HPGDS: variants seen among roughly 807,000 people sequenced by gnomAD.
The protein encoded by HPGDS is GST class-sigma.
A neutral mutation model predicts 23.1 loss-of-function variants in HPGDS; 26 were observed. The ratio of observed to expected loss-of-function variants is 1.13; its 90% CI spans 0.83 to 1.56. HPGDS has a LOEUF of 1.56. Among genes scored for constraint, HPGDS ranks in the 40% most tolerant of loss-of-function variants. HPGDS has a pLI of 0.00. For synonymous variants in HPGDS, 95 were observed against 77.9 expected, an observed-to-expected ratio of 1.22 and a Z score of -1.16; for missense variants, 268 against 236.4, an observed-to-expected ratio of 1.13 and a Z score of -0.88.
intron 3 of HPGDS, 107 bp from the exon 4 acceptor site, chr4:94,308,850 C>A (rs1307207671): frequency 1.8e-6 from 1 of 561,094 alleles, no homozygotes; most frequent in Non-Finnish European, 3.2e-6. Flanking sequence ...GAGTGTAAAA[C>A]AATATCCAGT....
At chr4:94,315,566 C>G (rs1004538287) in intron 3 of HPGDS, among the ~76,000 whole-genome samples, 32 of 151,732 alleles carry the variant, frequency 2.1e-4, no homozygotes, top group African/African-American at 7.5e-4. Flanking sequence ...CTCAATGGTG[C>G]CAATTTAAAA....
intron 2 of HPGDS, among the ~76,000 whole-genome samples, chr4:94,323,281 G>T (rs1307932426): frequency 6.6e-6 from 1 of 152,170 alleles, no homozygotes; most frequent in African/African-American, 2.4e-5. Flanking sequence ...TGTTAGGTCT[G>T]CTTGTGCAGA....
At chr4:94,334,916 C>T (rs943646554) in intron 1 of HPGDS, among the ~76,000 whole-genome samples, 1 of 152,178 alleles carries the variant, frequency 6.6e-6, no homozygotes, top group African/African-American at 2.4e-5. Flanking sequence ...AAGAGGGTAA[C>T]TACACCCCAA....
chr4:94,333,425 G>A (rs1023666154), intron 2 of HPGDS, among the ~76,000 whole-genome samples: 15 of 152,196 alleles, frequency 9.9e-5, no homozygotes, highest in African/African-American at 3.6e-4. Context: ...TGGAAGGAAT[G>A]TGAGCTATCT....
chr4:94,321,255 T>G (rs1476635602), intron 2 of HPGDS, among the ~76,000 whole-genome samples: 1 of 152,218 alleles, frequency 6.6e-6, no homozygotes, highest in Non-Finnish European at 1.5e-5. Context: ...GGCTCTTTTT[T>G]GGTTCCATAT....
intron 1 of HPGDS, among the ~76,000 whole-genome samples, chr4:94,339,673 CCTTT>C (rs979557023): frequency 2.6e-5 from 4 of 151,954 alleles, no homozygotes; most frequent in African/African-American, 9.7e-5. Context: ...TTGGGTACTT[CCTTT>C]CTTTCTCTTT....
At chr4:94,300,420 T>G (rs1005573176) in intron 5 of HPGDS, among the ~76,000 whole-genome samples, 2 of 152,222 alleles carry the variant, frequency 1.3e-5, no homozygotes, top group African/African-American at 4.8e-5. Flanking sequence ...TTACTTTGGC[T>G]CCATATGATT....
intron 4 of HPGDS, among the ~76,000 whole-genome samples, chr4:94,308,391 G>A (rs140530085): frequency 1.5e-3 from 225 of 152,178 alleles, no homozygotes; most frequent in African/African-American, 5.1e-3. Context: ...TAGAAATATG[G>A]AAATGTGTAA....
chr4:94,330,137 A>G (rs1756709829), intron 2 of HPGDS, among the ~76,000 whole-genome samples: 2 of 152,246 alleles, frequency 1.3e-5, no homozygotes. Context: ...CAGGGAATAT[A>G]AATGAGCACT....
At chr4:94,325,696 C>T (rs1756616963) in intron 2 of HPGDS, among the ~76,000 whole-genome samples, 1 of 152,148 alleles carries the variant, frequency 6.6e-6, no homozygotes, top group African/African-American at 2.4e-5. Flanking sequence ...GTCATGGCTT[C>T]CTTTGGCTAG....
Position 94,326,518 on chromosome 4 carries a change from A to G in HPGDS, c.133+7979T>C, listed in dbSNP as rs1756634647. Among the ~76,000 whole-genome samples, 3 of 151,948 alleles carry G rather than the reference A, an allele frequency of 2.0e-5. 1 individual carries two copies. The South Asian group carries it at 6.2e-4, about 32-fold the overall frequency. ...TTGAAGCTCTAGTTGTATTTTTTAA[A>G]TTTCATTCATTGAATTCTTTAGCTC... On this transcript the variant is annotated intron_variant, in intron 2 of 5. Transcript: ENST00000295256.
intron 3 of HPGDS, among the ~76,000 whole-genome samples, chr4:94,313,442 C>A (rs894845768): frequency 6.6e-6 from 1 of 152,176 alleles, no homozygotes; most frequent in Non-Finnish European, 1.5e-5. Context: ...AAATTCTTTT[C>A]TTTAAGAATG....
In HPGDS at chr4:94,314,284, T is replaced by A. The variant is rs184261753; in HGVS notation, c.226+3589A>T. On this transcript the variant is annotated intron_variant, in intron 3 of 5. Coordinates refer to ENST00000295256, the MANE Select transcript of HPGDS (RefSeq NM_014485.3). ...TCTTTGTGGTTTTATCTACCTTTAG[T>A]CTTTGATGATGGTGACGTACAGATG... 3.9e-3 allele frequency among the ~76,000 whole-genome samples: 595 copies of A among 152,360 alleles called. 2 individuals carry two copies. The highest frequency in any genetic ancestry group is 0.014 in the Middle Eastern group (4 of 294).
intron 1 of HPGDS, among the ~76,000 whole-genome samples, chr4:94,336,555 C>T (rs1466809921): frequency 1.3e-5 from 2 of 152,082 alleles, no homozygotes; most frequent in East Asian, 1.9e-4. Context: ...TAGCATTCAC[C>T]GCATATATAG....
chr4:94,312,891 T>C (rs982027199), intron 3 of HPGDS, among the ~76,000 whole-genome samples: 6 of 152,234 alleles, frequency 3.9e-5, no homozygotes, highest in African/African-American at 1.2e-4. Context: ...CATTATGTAA[T>C]GGCCTTCTTT....
chr4:94,321,815 T>C (rs1380185318), intron 2 of HPGDS, among the ~76,000 whole-genome samples: 2 of 152,196 alleles, frequency 1.3e-5, no homozygotes, highest in Non-Finnish European at 2.9e-5. Flanking sequence ...ATAGGAGTGG[T>C]GTGAGAGGGC....
chr4:94,310,842 G>T (rs1276938020), intron 3 of HPGDS, among the ~76,000 whole-genome samples: 4 of 152,056 alleles, frequency 2.6e-5, no homozygotes, highest in Admixed American at 2.0e-4. Flanking sequence ...TCCTTAAAGA[G>T]GTCCTTCACA....
chr4:94,337,353 A>C (rs1344299588), intron 1 of HPGDS, among the ~76,000 whole-genome samples: 4 of 152,066 alleles, frequency 2.6e-5, no homozygotes, highest in African/African-American at 9.7e-5. Flanking sequence ...AGCATGAAGA[A>C]ATTATATTTT....
rs370592988 is a variant in HPGDS, at chr4:94,308,757, AGAGG to A, written c.227-18_227-15del. On this transcript the variant is annotated splice_polypyrimidine_tract_variant and intron_variant, in intron 3 of 5. Coordinates refer to ENST00000295256, the MANE Select transcript of HPGDS (RefSeq NM_014485.3). ...TTCCAGCCAAATCTGTGGAATAGAG[AGAGG>A]CCCATCAATATGTTTAATTTACTAT... is the stretch of plus-strand genomic sequence containing the variant. 10 of 1,353,160 alleles carry A rather than the reference AGAGG, an allele frequency of 7.4e-6. No individual in the cohort carries two copies. In the African/African-American group the frequency reaches 1.4e-4, roughly 19 times the overall value. 83.8% of individuals were successfully genotyped at this position (1,353,160 alleles called of 1,614,324 possible).
Sources: gnomAD v4.1 joint callset for allele counts (sites outside exome capture counted in the v4.1 genomes callset) on GRCh38, gnomAD v4.1.1 for gene constraint, MANE v1.5 for transcripts, NCBI Gene and HGNC (gene_info 2026-07-23, HGNC 2026-07-21) for gene names.